EFCAB13: variants seen among roughly 807,000 people sequenced by gnomAD.
The protein encoded by EFCAB13 is EF-hand calcium-binding domain-containing protein 13.
In EFCAB13, 91 loss-of-function variants were observed where a neutral mutation model predicts 110.2. That is an observed-to-expected ratio of 0.83 (90% CI 0.70 to 0.98). The LOEUF is 0.98. Ranked by LOEUF, EFCAB13 falls within the 50% of genes least tolerant of loss-of-function variation. The pLI, the probability that EFCAB13 is intolerant of heterozygous loss-of-function variation, is 0.00. For missense variants in EFCAB13, 968 were observed against 1,119.4 expected (o/e 0.86, Z 1.93); for synonymous variants, 323 against 369.9 (o/e 0.87, Z 1.45).
intron 24 of EFCAB13, among the ~76,000 whole-genome samples, chr17:47,437,078 C>T (rs774010947): frequency 6.6e-6 from 1 of 151,928 alleles, no homozygotes; most frequent in Non-Finnish European, 1.5e-5. Context: ...TTTGAAGGTC[C>T]CTTTTGGAGT....
chr17:47,357,793 A>G (rs1391762400), intron 9 of EFCAB13, among the ~76,000 whole-genome samples: 1 of 152,236 alleles, frequency 6.6e-6, no homozygotes, highest in Non-Finnish European at 1.5e-5. Context: ...TAGTCAGAAA[A>G]AAATGTAAGT....
In EFCAB13 at chr17:47,412,885, C is replaced by T. The variant is rs3883318; in HGVS notation, c.2391C>T (p.Phe797=). The change falls in exon 22 of 25, where the codon TTC becomes TTT. Residue 797 remains phenylalanine (F), a synonymous_variant. Coordinates refer to ENST00000331493, the MANE Select transcript of EFCAB13 (RefSeq NM_152347.5). ...CLNVNLTEED[F]NEALNCCNVS... is the part of the protein sequence containing the mutation. ...ATGTTAATTTAACTGAGGAGGACTT[C>T]AATGAAGCCCTTAACTGTTGTAACG... 136,882 of 1,613,460 alleles carry T rather than the reference C, an allele frequency of 0.085. 8,370 individuals are homozygous for T. Among genetic ancestry groups the T allele is most frequent in the East Asian group, 0.34 (15,320 of 44,794 alleles).
At chr17:47,378,598 A>T (rs1211749727) in intron 13 of EFCAB13, among the ~76,000 whole-genome samples, 5 of 152,190 alleles carry the variant, frequency 3.3e-5, no homozygotes, top group Non-Finnish European at 5.9e-5. Context: ...ATTAAAAATT[A>T]TATAAAGAGT....
At chr17:47,395,328 C>T (rs2065731296) in intron 16 of EFCAB13, among the ~76,000 whole-genome samples, 1 of 152,130 alleles carries the variant, frequency 6.6e-6, no homozygotes, top group Admixed American at 6.5e-5. Context: ...CCTGAGAATC[C>T]ATTCTCTATA....
chr17:47,415,921 T>G (rs1306082431), intron 23 of EFCAB13, among the ~76,000 whole-genome samples: 7 of 152,034 alleles, frequency 4.6e-5, no homozygotes. Flanking sequence ...GGGAGACCAT[T>G]TCAACACCAA....
At chr17:47,417,757 T>G (rs1425887649) in intron 23 of EFCAB13, among the ~76,000 whole-genome samples, 1 of 152,252 alleles carries the variant, frequency 6.6e-6, no homozygotes, top group Non-Finnish European at 1.5e-5. Flanking sequence ...TGTGCAGTCA[T>G]GCACAACATC....
At chr17:47,379,930 T>C (rs2065637596) in intron 14 of EFCAB13, among the ~76,000 whole-genome samples, 1 of 152,256 alleles carries the variant, frequency 6.6e-6, no homozygotes, top group Admixed American at 6.5e-5. Context: ...GATTGCCTTT[T>C]ATACTTAAAT....
chr17:47,423,767 C>T (rs1488964309), intron 23 of EFCAB13, among the ~76,000 whole-genome samples: 1 of 151,950 alleles, frequency 6.6e-6, no homozygotes, highest in East Asian at 1.9e-4. Flanking sequence ...GCACCTGAAG[C>T]GGTGGTGGTC....
At chr17:47,386,927 C>T (rs916965904) in intron 14 of EFCAB13, among the ~76,000 whole-genome samples, 14 of 140,428 alleles carry the variant, frequency 1.0e-4, no homozygotes, top group East Asian at 2.5e-4. Flanking sequence ...GTGGGTGAGG[C>T]GATGCCCAAC....
chr17:47,405,290 C>T (rs1221343070), intron 20 of EFCAB13, among the ~76,000 whole-genome samples: 1 of 152,078 alleles, frequency 6.6e-6, no homozygotes, highest in Non-Finnish European at 1.5e-5. Context: ...TCTTTGTGCA[C>T]GTTGCACACA....
intron 23 of EFCAB13, among the ~76,000 whole-genome samples, chr17:47,422,655 C>T (rs1263885637): frequency 2.6e-5 from 4 of 151,940 alleles, no homozygotes; most frequent in Non-Finnish European, 5.9e-5. Flanking sequence ...TGCAATGATA[C>T]AAAAAAGTAA....
rs370926380 is a variant in EFCAB13 at position 47,412,873 on chromosome 17, T to A, written c.2379T>A (p.Thr793=). 109 of 1,613,776 alleles carry A rather than the reference T, an allele frequency of 6.8e-5. No individual in the cohort carries two copies. The highest frequency in any genetic ancestry group is 9.0e-5 in the Non-Finnish European group (106 of 1,179,874). ...HALKCLNVNL[T]EEDFNEALNC... ...TGAAATGTTTGAATGTTAATTTAAC[T>A]GAGGAGGACTTCAATGAAGCCCTTA... The change falls in exon 22 of 25, where the codon ACT becomes ACA. Residue 793 remains threonine (T), a synonymous_variant. Transcript: ENST00000331493.
intron 17 of EFCAB13, among the ~76,000 whole-genome samples, chr17:47,399,419 TA>T (rs2143438539): frequency 6.6e-6 from 1 of 152,316 alleles, no homozygotes; most frequent in Non-Finnish European, 1.5e-5. Context: ...TGAGATTTGT[TA>T]TTTTTGTTTA....
At chr17:47,383,463 G>A (rs148005771) in intron 14 of EFCAB13, among the ~76,000 whole-genome samples, 3,240 of 152,266 alleles carry the variant, frequency 0.021, 108 homozygotes, top group East Asian at 0.18. Context: ...GCATCCCAGA[G>A]ATTCTGGTAC....
At chr17:47,355,314 G>T (rs58988897) in intron 9 of EFCAB13, among the ~76,000 whole-genome samples, 13,372 of 152,108 alleles carry the variant, frequency 0.088, 850 homozygotes, top group East Asian at 0.35. Context: ...TTAAGATTCT[G>T]TCCTTCATCT....
chr17:47,390,325 TACACAC>T (rs111830433), intron 14 of EFCAB13, among the ~76,000 whole-genome samples: 1 of 150,102 alleles, frequency 6.7e-6, no homozygotes, highest in Non-Finnish European at 1.5e-5. Flanking sequence ...GTTTTTTTCA[TACACAC>T]ACACACACAC....
intron 3 of EFCAB13, 116 bp from the exon 4 acceptor site, chr17:47,328,150 ATGT>A: frequency 1.8e-6 from 1 of 554,822 alleles, no homozygotes; most frequent in East Asian, 3.0e-5. Flanking sequence ...TGTTGGTGAA[ATGT>A]TGTGTATCAT....
chr17:47,371,000 A>G (rs2065580362), intron 11 of EFCAB13, among the ~76,000 whole-genome samples: 1 of 149,640 alleles, frequency 6.7e-6, no homozygotes, highest in African/African-American at 2.5e-5. Flanking sequence ...TCAGCCTCCC[A>G]GAGTGCTGAG....
chr17:47,403,987 G>A lies in EFCAB13; in HGVS notation c.2127G>A (p.Glu709=), dbSNP rs1441606174. The A allele has an allele frequency of 1.2e-6, 2 of 1,600,334 alleles. No individual in the cohort carries two copies. The highest frequency in any genetic ancestry group is 2.2e-5 in the East Asian group (1 of 44,626). Residue 709 remains glutamate, a synonymous_variant, in exon 19 of 25, where the codon GAG becomes GAA. Coordinates refer to ENST00000331493, the MANE Select transcript of EFCAB13 (RefSeq NM_152347.5). ...TTGGGATTAAGTCACCTAAAGAAGA[G>A]GTAGAGAAAATTCTTCAATCAGATT... The part of the protein sequence containing the change: ...RNVGIKSPKE[E]VEKILQSDFV...
Sources: allele counts gnomAD v4.1 joint callset (sites outside exome capture counted in the v4.1 genomes callset), GRCh38; gene constraint gnomAD v4.1.1; transcripts MANE v1.5; gene names NCBI Gene and HGNC (gene_info 2026-07-23, HGNC 2026-07-21).